The following UBE2Z variants were observed in gnomAD, a reference collection of about 807,000 sequenced individuals.
UBE2Z encodes ubiquitin conjugating enzyme E2 Z, also known as ubiquitin-conjugating enzyme E2 Z.
In UBE2Z, 10 loss-of-function variants were observed where a neutral mutation model predicts 32.6. The observed-to-expected ratio is 0.31, with a 90% CI of 0.19 to 0.52. UBE2Z has a LOEUF of 0.52. Ranked by LOEUF, UBE2Z falls within the 20% of genes least tolerant of loss-of-function variation. The pLI, the probability that UBE2Z is intolerant of heterozygous loss-of-function variation, is 0.97. For missense variants in UBE2Z, 343 were observed against 480.9 expected, an observed-to-expected ratio of 0.71 and a Z score of 2.68; for synonymous variants, 183 against 190.8, an observed-to-expected ratio of 0.96 and a Z score of 0.34.
chr17:48,908,770 C>T lies in UBE2Z; in HGVS notation c.267C>T (p.Ser89=), dbSNP rs1434474660. 3 of 1,507,552 alleles carry T rather than the reference C, an allele frequency of 2.0e-6. No individual in the cohort carries two copies. Among genetic ancestry groups the T allele is most frequent in the South Asian group, 1.2e-5 (1 of 83,000 alleles). The allele number at this position is 1,507,552 out of a possible 1,614,324, so 93.4% of individuals were successfully genotyped here. The change falls in exon 1 of 7, where the codon TCC becomes TCT. Residue 89 remains serine, a synonymous_variant. Transcript: ENST00000360943. ...LLSHWDPTLS[S]DWDGERTAPQ... ...GCCACTGGGACCCCACGCTCAGCTC[C>T]GACTGGGACGGCGAGCGCACCGCGC...
chr17:48,912,727 C>T (rs1234544742), intron 2 of UBE2Z, 107 bp from the exon 3 acceptor site: 4 of 1,179,156 alleles, frequency 3.4e-6, no homozygotes, highest in Admixed American at 1.9e-5. Flanking sequence ...AACATGTGTA[C>T]CAGATTATGG....
intron 4 of UBE2Z, among the ~76,000 whole-genome samples, chr17:48,916,857 C>T (rs572101091): frequency 6.6e-6 from 1 of 151,844 alleles, no homozygotes; most frequent in East Asian, 2.0e-4. Flanking sequence ...TGAGACCAGC[C>T]TGGCCAACAT....
At chr17:48,913,044 C>T (rs1184096330) in intron 3 of UBE2Z, 23 bp downstream of exon 3, 3 of 1,608,086 alleles carry the variant, frequency 1.9e-6, no homozygotes, top group Non-Finnish European at 2.6e-6. Flanking sequence ...TTTTAAGTAG[C>T]CAAGTCGGTT....
chr17:48,908,939 C>A, intron 1 of UBE2Z, 119 bp downstream of exon 1: 1 of 778,844 alleles, frequency 1.3e-6, no homozygotes, highest in Non-Finnish European at 1.8e-6. Context: ...GGCGGCCCAC[C>A]TCCACGGCCC....
chr17:48,912,705 G>A lies in UBE2Z; in HGVS notation c.391-129G>A, dbSNP rs1228984647. ...GAATACAGGATGTTCCTTCTGCATGGTGAGGATATAGAACATGTGTACCAG... is the reference window on the plus strand; with the variant it reads ...GAATACAGGATGTTCCTTCTGCATGATGAGGATATAGAACATGTGTACCAG... On this transcript the variant is annotated intron_variant, in intron 2 of 6. Transcript: ENST00000360943. 5.4e-6 allele frequency: 5 copies of A among 924,368 alleles called. No individual in the cohort carries two copies. In the Admixed American group the frequency reaches 1.1e-4, roughly 20 times the overall value. 57.3% of individuals were successfully genotyped at this position (924,368 alleles called of 1,614,324 possible).
At chr17:48,925,234 G>A (rs572067820) in intron 6 of UBE2Z, among the ~76,000 whole-genome samples, 4 of 149,442 alleles carry the variant, frequency 2.7e-5, no homozygotes, top group African/African-American at 7.4e-5. Flanking sequence ...GCAGTGACCC[G>A]AGATCACGTT....
In UBE2Z at chr17:48,928,714, T is replaced by G. The variant is rs919676302; in HGVS notation, c.*1580T>G. Reference sequence around the variant, plus strand: ...TTATCTTGGATACCCTTGAAGAGGCTGGGTCTCTTCACATGAAGATCGAAA... The same window carrying G: ...TTATCTTGGATACCCTTGAAGAGGCGGGGTCTCTTCACATGAAGATCGAAA... On this transcript the variant is annotated 3_prime_UTR_variant, in exon 7 of 7. Coordinates refer to ENST00000360943, the MANE Select transcript of UBE2Z (RefSeq NM_023079.5). 3 of 152,524 alleles carry G rather than the reference T, an allele frequency of 2.0e-5. No homozygotes were observed. The highest frequency in any genetic ancestry group is 2.9e-5 in the Non-Finnish European group (2 of 67,980). 9.4% of individuals were successfully genotyped at this position (152,524 alleles called of 1,614,324 possible).
intron 6 of UBE2Z, among the ~76,000 whole-genome samples, chr17:48,925,610 A>G (rs550860495): frequency 6.6e-6 from 1 of 152,312 alleles, no homozygotes; most frequent in East Asian, 1.9e-4. Flanking sequence ...GCTGGTATCC[A>G]ACAGCATTAG....
In UBE2Z at chr17:48,928,019, A is replaced by G. The variant is rs3744611; in HGVS notation, c.*885A>G. On this transcript the variant is annotated 3_prime_UTR_variant, in exon 7 of 7. Coordinates refer to ENST00000360943, the MANE Select transcript of UBE2Z (RefSeq NM_023079.5). ...CAGATTTTCATAAATACTAGTCACAATAAGGGTATTTTTCTTGGGGGTGGA... is the reference window on the plus strand; with the variant it reads ...CAGATTTTCATAAATACTAGTCACAGTAAGGGTATTTTTCTTGGGGGTGGA... 1.3e-5 allele frequency: 2 copies of G among 152,430 alleles called. No individual in the cohort carries two copies. Among genetic ancestry groups the G allele is most frequent in the Admixed American group, 1.3e-4 (2 of 15,284 alleles). 9.4% of individuals were successfully genotyped at this position (152,430 alleles called of 1,614,324 possible).
rs1424865541 is a variant in UBE2Z at position 48,927,166 on chromosome 17, A to G, written c.*32A>G. The G allele has an allele frequency of 2.5e-6, 4 of 1,609,514 alleles. No individual in the cohort carries two copies. Among genetic ancestry groups the G allele is most frequent in the African/African-American group, 1.3e-5 (1 of 74,814 alleles). ...CTCCCATCTCCCCTTCCCCCACTCAAGAGTCCCAGCAGAATCCCTTCCCCC... is the reference window on the plus strand; with the variant it reads ...CTCCCATCTCCCCTTCCCCCACTCAGGAGTCCCAGCAGAATCCCTTCCCCC... On this transcript the variant is annotated 3_prime_UTR_variant, in exon 7 of 7. Coordinates refer to ENST00000360943, the MANE Select transcript of UBE2Z (RefSeq NM_023079.5).
rs1256714161 is a variant in UBE2Z, at chr17:48,927,640, C to T, written c.*506C>T. 1.3e-5 allele frequency: 2 copies of T among 159,110 alleles called. No individual in the cohort carries two copies. Among genetic ancestry groups the T allele is most frequent in the African/African-American group, 2.4e-5 (1 of 41,518 alleles). 9.9% of individuals were successfully genotyped at this position (159,110 alleles called of 1,614,324 possible). ...TTCCCAATGCCCTTTTCCTCCCTGC[C>T]TTCCTTCCCCCATTATTTCCCACAG... On this transcript the variant is annotated 3_prime_UTR_variant, in exon 7 of 7. Coordinates refer to ENST00000360943, the MANE Select transcript of UBE2Z (RefSeq NM_023079.5).
chr17:48,916,617 G>T (rs1394614075), intron 4 of UBE2Z, among the ~76,000 whole-genome samples: 1 of 76,724 alleles, frequency 1.3e-5, no homozygotes, highest in Non-Finnish European at 3.4e-5. Flanking sequence ...TTTTGTTTTG[G>T]ACCTAGCACA....
intron 2 of UBE2Z, 32 bp downstream of exon 2, chr17:48,910,912 T>C (rs910786589): frequency 3.2e-6 from 5 of 1,560,390 alleles, no homozygotes; most frequent in Middle Eastern, 1.7e-4. Context: ...TGGGGGGTTT[T>C]GGGAAATTGG....
intron 2 of UBE2Z, chr17:48,912,620 A>G (rs2040688386): frequency 1.9e-6 from 1 of 540,154 alleles, no homozygotes; most frequent in Non-Finnish European, 3.3e-6. Flanking sequence ...CCCCTGAGTA[A>G]GATGTCATTC....
Position 48,908,479 on chromosome 17 carries a change from G to T in UBE2Z, c.-25G>T, listed in dbSNP as rs1282445594. On this transcript the variant is annotated 5_prime_UTR_variant, in exon 1 of 7. Transcript: ENST00000360943. ...CGCTCTGGTCGGCGGACGTGCTGCC[G>T]AGTAGTCCCGGAAGCGAAGCAGCGA... is the stretch of plus-strand genomic sequence containing the variant. 7.1e-5 allele frequency: 87 copies of T among 1,231,064 alleles called. No homozygotes were observed. Among genetic ancestry groups the T allele is most frequent in the Non-Finnish European group, 7.9e-5 (78 of 987,120 alleles). The allele number at this position is 1,231,064 out of a possible 1,614,324, so 76.3% of individuals were successfully genotyped here.
chr17:48,921,513 G>C (rs1218501562), intron 5 of UBE2Z, among the ~76,000 whole-genome samples: 2 of 152,204 alleles, frequency 1.3e-5, no homozygotes, highest in Non-Finnish European at 2.9e-5. Flanking sequence ...CTTCCAGTTT[G>C]ATGAAGGCTT....
At chr17:48,926,539 G>A (rs1054404658) in intron 6 of UBE2Z, among the ~76,000 whole-genome samples, 15 of 149,280 alleles carry the variant, frequency 1.0e-4, no homozygotes, top group Non-Finnish European at 1.3e-4. Flanking sequence ...GTAATGGTGC[G>A]ATCTCGATCT....
chr17:48,922,708 A>G lies in UBE2Z; in HGVS notation c.804-139A>G, dbSNP rs910358561. On this transcript the variant is annotated intron_variant, in intron 5 of 6. Coordinates refer to ENST00000360943, the MANE Select transcript of UBE2Z (RefSeq NM_023079.5). The stretch of plus-strand genomic sequence containing the variant: ...CATGAATCCGGGAGGCAGAGGTCAC[A>G]GTGAGCTGAGGTTGCACCACTGCAC... 16 of 522,012 alleles carry G rather than the reference A, an allele frequency of 3.1e-5. No homozygotes were observed. In the East Asian group the frequency reaches 5.0e-4, roughly 16 times the overall value. 32.3% of individuals were successfully genotyped at this position (522,012 alleles called of 1,614,324 possible).
intron 3 of UBE2Z, chr17:48,915,800 G>GT: frequency 2.9e-6 from 1 of 349,696 alleles, no homozygotes; most frequent in East Asian, 6.2e-5. Context: ...TTTGATTGTC[G>GT]TAACTGTTTC....
Sources: gnomAD v4.1 joint callset for allele counts (sites outside exome capture counted in the v4.1 genomes callset) on GRCh38, gnomAD v4.1.1 for gene constraint, MANE v1.5 for transcripts, NCBI Gene and HGNC (gene_info 2026-07-23, HGNC 2026-07-21) for gene names.